The following EYS variants were observed in gnomAD, a reference collection of about 807,000 sequenced individuals.
EYS encodes EGF-like photoreceptor maintenance factor, also known as protein eyes shut homolog.
Under a neutral mutation model 282.1 loss-of-function variants are expected in EYS, and 250 were observed. The ratio of observed to expected loss-of-function variants is 0.89; its 90% CI spans 0.80 to 0.98. The LOEUF is 0.98. Among genes scored for constraint, EYS ranks in the 50% least tolerant of loss-of-function variants. EYS has a pLI of 0.00. For missense variants in EYS, 4,016 were observed against 3,709.0 expected (o/e 1.08, Z -2.15); for synonymous variants, 1,355 against 1,282.9 (o/e 1.06, Z -1.20).
At chr6:64,707,620 A>C (rs1039492843) in intron 22 of EYS, among the ~76,000 whole-genome samples, 48 of 148,290 alleles carry the variant, frequency 3.2e-4, no homozygotes, top group Admixed American at 1.4e-3. Flanking sequence ...AGTGGAGATC[A>C]CGCCACTGCA....
In EYS at chr6:64,199,975, A is replaced by G. The variant is rs943454410; in HGVS notation, c.6424+30617T>C. Among the ~76,000 whole-genome samples, 2 of 152,190 alleles carry G rather than the reference A, an allele frequency of 1.3e-5. 1 individual carries two copies. Among genetic ancestry groups the G allele is most frequent in the Non-Finnish European group, 2.9e-5 (2 of 68,028 alleles). ...GGTAAACAAACTGTGATGTACTAAG[A>G]CAAGGAAAAACTATTTAGGGAAAAA... On this transcript the variant is annotated intron_variant, in intron 31 of 42. Coordinates refer to ENST00000503581, the MANE Select transcript of EYS (RefSeq NM_001142800.2).
chr6:64,902,529 G>T, intron 16 of EYS, 29 bp from the exon 17 acceptor site: 1 of 1,314,770 alleles, frequency 7.6e-7, no homozygotes, highest in Non-Finnish European at 1.0e-6. Context: ...GAGTATGGAT[G>T]AGCAATCCTT....
At chr6:64,625,565 G>T (rs1026628862) in intron 23 of EYS, among the ~76,000 whole-genome samples, 1 of 152,046 alleles carries the variant, frequency 6.6e-6, no homozygotes, top group Non-Finnish European at 1.5e-5. Flanking sequence ...AATCCCATTC[G>T]CAAGGGCTTT....
At chr6:64,420,174 C>T (rs1341247709) in intron 28 of EYS, among the ~76,000 whole-genome samples, 1 of 152,082 alleles carries the variant, frequency 6.6e-6, no homozygotes, top group Non-Finnish European at 1.5e-5. Context: ...GTGGAAACTG[C>T]CAAGACCTGG....
chr6:65,567,144 A>G (rs1002820290), intron 2 of EYS, among the ~76,000 whole-genome samples: 2 of 151,720 alleles, frequency 1.3e-5, no homozygotes, highest in Non-Finnish European at 2.9e-5. Context: ...TTGTCCTTCC[A>G]CCTTCTGCCA....
At chr6:65,213,302 C>A (rs1171470085) in intron 12 of EYS, among the ~76,000 whole-genome samples, 1 of 152,174 alleles carries the variant, frequency 6.6e-6, no homozygotes, top group East Asian at 1.9e-4. Context: ...CGGTGACCTT[C>A]AAAGTTGTTT....
chr6:64,793,785 A>C (rs1774263080), intron 22 of EYS, among the ~76,000 whole-genome samples: 1 of 151,722 alleles, frequency 6.6e-6, no homozygotes, highest in Admixed American at 6.6e-5. Context: ...TTTATGAACA[A>C]TTATTTTTCC....
At chr6:65,175,503 G>A (rs1234660424) in intron 12 of EYS, among the ~76,000 whole-genome samples, 4 of 151,278 alleles carry the variant, frequency 2.6e-5, no homozygotes, top group African/African-American at 9.7e-5. Flanking sequence ...AATAAGTGGT[G>A]CTCTCAAAAA....
intron 35 of EYS, among the ~76,000 whole-genome samples, chr6:63,915,578 T>C (rs1376194415): frequency 6.6e-6 from 1 of 152,244 alleles, no homozygotes; most frequent in Non-Finnish European, 1.5e-5. Context: ...CTGCCATAAA[T>C]AGTGATTCCT....
At chr6:64,349,012 G>A (rs983061622) in intron 29 of EYS, among the ~76,000 whole-genome samples, 5 of 151,320 alleles carry the variant, frequency 3.3e-5, no homozygotes, top group East Asian at 3.9e-4. Flanking sequence ...ATGTTTCAAC[G>A]TGGAGACTGA....
At chr6:65,484,807 C>T (rs765186471) in intron 5 of EYS, among the ~76,000 whole-genome samples, 1 of 152,160 alleles carries the variant, frequency 6.6e-6, no homozygotes, top group African/African-American at 2.4e-5. Context: ...TTGTGTGGTA[C>T]AAAACAGTGG....
intron 36 of EYS, among the ~76,000 whole-genome samples, chr6:63,826,421 A>T: frequency 6.6e-6 from 1 of 152,242 alleles, no homozygotes; most frequent in East Asian, 1.9e-4. Context: ...AAGGATCATC[A>T]TTGCCTAGGC....
At chr6:64,278,092 A>C (rs1768175039) in intron 30 of EYS, among the ~76,000 whole-genome samples, 1 of 152,184 alleles carries the variant, frequency 6.6e-6, no homozygotes, top group African/African-American at 2.4e-5. Context: ...AGAGTTCAGC[A>C]TTATAGCTCT....
chr6:64,479,235 A>G (rs1457867589), intron 26 of EYS, among the ~76,000 whole-genome samples: 1 of 151,940 alleles, frequency 6.6e-6, no homozygotes, highest in Non-Finnish European at 1.5e-5. Context: ...GAACTATGGC[A>G]AAAACCTGTT....
chr6:65,046,719 T>C (rs1181560387), intron 13 of EYS, among the ~76,000 whole-genome samples: 1 of 151,826 alleles, frequency 6.6e-6, no homozygotes, highest in African/African-American at 2.4e-5. Context: ...TACAGGAAAA[T>C]GTATATTCAT....
chr6:64,684,585 G>GA lies in EYS; in HGVS notation c.3444-58341dup, dbSNP rs201360328. 6.9e-3 allele frequency among the ~76,000 whole-genome samples: 874 copies of GA among 126,290 alleles called. 4 individuals are homozygous for GA. The highest frequency in any genetic ancestry group is 9.8e-3 in the Non-Finnish European group (523 of 53,556). 82.9% of individuals were successfully genotyped at this position (126,290 alleles called of 152,430 possible). On this transcript the variant is annotated intron_variant, in intron 22 of 42. Coordinates refer to ENST00000503581, the MANE Select transcript of EYS (RefSeq NM_001142800.2). ...CAACAATTATAACACATAATTATAG[G>GA]AAAAAAAATATATAGAGAGAGAGAT...
At chr6:63,958,720 C>T (rs950114829) in intron 35 of EYS, among the ~76,000 whole-genome samples, 1 of 152,190 alleles carries the variant, frequency 6.6e-6, no homozygotes, top group Non-Finnish European at 1.5e-5. Flanking sequence ...AGTGATGCAG[C>T]TAATGACTTT....
chr6:63,817,678 C>G (rs1476579962), intron 36 of EYS, among the ~76,000 whole-genome samples: 1 of 152,234 alleles, frequency 6.6e-6, no homozygotes, highest in African/African-American at 2.4e-5. Flanking sequence ...ACTCCAGATT[C>G]CTGGAACTGG....
At chr6:64,414,932 A>T (rs2150446486) in intron 28 of EYS, among the ~76,000 whole-genome samples, 1 of 152,222 alleles carries the variant, frequency 6.6e-6, no homozygotes, top group African/African-American at 2.4e-5. Context: ...TACAGAAGAA[A>T]CTCCTGAAAA....
Sources: allele counts gnomAD v4.1 joint callset (sites outside exome capture counted in the v4.1 genomes callset), GRCh38; gene constraint gnomAD v4.1.1; transcripts MANE v1.5; gene names NCBI Gene and HGNC (gene_info 2026-07-23, HGNC 2026-07-21).